Variants in MAPK8 observed in about 807,000 individuals in gnomAD.
The protein encoded by MAPK8 is JUN N-terminal kinase.
In MAPK8, 13 loss-of-function variants were observed where a neutral mutation model predicts 52.9. The ratio of observed to expected loss-of-function variants is 0.25; its 90% CI spans 0.16 to 0.39. The LOEUF is 0.39. Among genes scored for constraint, MAPK8 ranks in the 10% least tolerant of loss-of-function variants. The pLI is 1.00. For synonymous variants in MAPK8, 191 were observed against 169.8 expected, an observed-to-expected ratio of 1.12 and a Z score of -0.97; for missense variants, 300 against 519.2, an observed-to-expected ratio of 0.58 and a Z score of 4.10.
intron 1 of MAPK8, among the ~76,000 whole-genome samples, chr10:48,341,760 CATG>C (rs1845288742): frequency 6.6e-6 from 1 of 152,110 alleles, no homozygotes; most frequent in Non-Finnish European, 1.5e-5. Context: ...AACATGGTGC[CATG>C]AAAGTATATA....
intron 1 of MAPK8, among the ~76,000 whole-genome samples, chr10:48,375,581 T>C (rs1293546000): frequency 6.6e-6 from 1 of 152,200 alleles, no homozygotes; most frequent in Admixed American, 6.5e-5. Flanking sequence ...CAAACATTCC[T>C]ATACATCAAT....
At chr10:48,353,257 G>A (rs188724942) in intron 1 of MAPK8, among the ~76,000 whole-genome samples, 1 of 152,154 alleles carries the variant, frequency 6.6e-6, no homozygotes, top group East Asian at 1.9e-4. Flanking sequence ...TATATGAAAA[G>A]ACAGAAGAAC....
chr10:48,348,260 T>G (rs1845977752), intron 1 of MAPK8, among the ~76,000 whole-genome samples: 1 of 152,260 alleles, frequency 6.6e-6, no homozygotes, highest in African/African-American at 2.4e-5. Context: ...TAAATTTGTT[T>G]AAGTTCTTTG....
At chr10:48,328,857 A>G (rs567510686) in intron 1 of MAPK8, among the ~76,000 whole-genome samples, 2 of 152,322 alleles carry the variant, frequency 1.3e-5, no homozygotes, top group South Asian at 4.1e-4. Context: ...TTGCTAAGAG[A>G]TAGTTGAAAA....
At chr10:48,363,690 T>C (rs1348134286) in intron 1 of MAPK8, among the ~76,000 whole-genome samples, 1 of 152,214 alleles carries the variant, frequency 6.6e-6, no homozygotes, top group Non-Finnish European at 1.5e-5. Context: ...TAAACTTACA[T>C]TTTTCTCCAT....
In MAPK8 at chr10:48,413,201, A is replaced by G. The variant is rs34097810; in HGVS notation, c.450+3033A>G. Reference sequence around the variant, plus strand: ...CTTATCCATTCATCAGTCAGTGGCAATTGGGTTGGTTCCACATTTAGCTCT... The same window carrying G: ...CTTATCCATTCATCAGTCAGTGGCAGTTGGGTTGGTTCCACATTTAGCTCT... On this transcript the variant is annotated intron_variant, in intron 5 of 11. Transcript: ENST00000374189. Among the ~76,000 whole-genome samples the G allele has an allele frequency of 1.3e-3, 191 of 152,300 alleles. 2 individuals are homozygous for G. The East Asian group carries it at 0.032, about 25-fold the overall frequency.
intron 1 of MAPK8, among the ~76,000 whole-genome samples, chr10:48,399,949 C>T (rs17697972): frequency 0.027 from 4,066 of 152,260 alleles, 74 homozygotes; most frequent in Non-Finnish European, 0.04. Flanking sequence ...CCATGTCCCC[C>T]GCTGACCCAG....
chr10:48,327,574 T>A (rs899485764), intron 1 of MAPK8, among the ~76,000 whole-genome samples: 22 of 152,338 alleles, frequency 1.4e-4, no homozygotes, highest in South Asian at 1.2e-3. Flanking sequence ...GTTTTATTAT[T>A]ATTAGAGTAA....
chr10:48,319,515 C>T (rs544416497), intron 1 of MAPK8, among the ~76,000 whole-genome samples: 15 of 152,050 alleles, frequency 9.9e-5, no homozygotes, highest in East Asian at 3.9e-4. Flanking sequence ...TTTGAGATGA[C>T]GTCTTGCTCT....
chr10:48,336,403 G>A (rs1163096682), intron 1 of MAPK8, among the ~76,000 whole-genome samples: 5 of 152,076 alleles, frequency 3.3e-5, no homozygotes, highest in Admixed American at 2.6e-4. Context: ...CAGGCCCTGT[G>A]ATATCATGAG....
At chr10:48,326,670 G>A (rs1448194040) in intron 1 of MAPK8, among the ~76,000 whole-genome samples, 2 of 152,108 alleles carry the variant, frequency 1.3e-5, no homozygotes, top group African/African-American at 4.8e-5. Context: ...TTATATATCA[G>A]TATTTATATG....
intron 6 of MAPK8, among the ~76,000 whole-genome samples, chr10:48,422,695 C>G (rs2043436850): frequency 6.6e-6 from 1 of 152,094 alleles, no homozygotes; most frequent in African/African-American, 2.4e-5. Context: ...TTCTCTGAGG[C>G]ACTAATTTAT....
At chr10:48,416,603 C>T (rs1054432203) in intron 5 of MAPK8, among the ~76,000 whole-genome samples, 15 of 152,326 alleles carry the variant, frequency 9.8e-5, no homozygotes, top group Admixed American at 1.3e-4. Flanking sequence ...ATATGGCCAA[C>T]CCTATAACCA....
chr10:48,339,132 G>A (rs563166923), intron 1 of MAPK8, among the ~76,000 whole-genome samples: 8 of 151,960 alleles, frequency 5.3e-5, no homozygotes, highest in African/African-American at 1.9e-4. Context: ...TAGGTAGAGC[G>A]ATCTAAGCAA....
chr10:48,374,420 A>G (rs1280254733), intron 1 of MAPK8, among the ~76,000 whole-genome samples: 1 of 152,144 alleles, frequency 6.6e-6, no homozygotes, highest in East Asian at 1.9e-4. Context: ...AGATAGAGAC[A>G]TGAAAAACCC....
rs750538635 is a variant in MAPK8 at position 48,425,637 on chromosome 10, G to C, written c.689-251G>C. The C allele has an allele frequency of 2.2e-4, 78 of 359,952 alleles. No homozygotes were observed. The Middle Eastern group carries it at 3.8e-3, about 17-fold the overall frequency. 22.3% of individuals were successfully genotyped at this position (359,952 alleles called of 1,614,324 possible). On this transcript the variant is annotated intron_variant, in intron 7 of 11. Coordinates refer to ENST00000374189, the MANE Select transcript of MAPK8 (RefSeq NM_001323329.2). ...TTATCATTTTATTTAGAATTTGTGA[G>C]TTTAAGCTTCCATTTTAAGGTAAAA...
rs1293062748 is a variant in MAPK8, at chr10:48,438,318, T to C, written c.*3289T>C. The C allele has an allele frequency of 6.6e-6, 1 of 152,222 alleles. No individual in the cohort carries two copies. The highest frequency in any genetic ancestry group is 1.5e-5 in the Non-Finnish European group (1 of 68,048). The allele number at this position is 152,222 out of a possible 1,614,324, so 9.4% of individuals were successfully genotyped here. On this transcript the variant is annotated 3_prime_UTR_variant, in exon 12 of 12. Transcript: ENST00000374189. Reference sequence around the variant, plus strand: ...TTTCTACTGATCTCTCTTAGGTTTTTACGGAATCAAAGGAAACTAATTTTT... The same window carrying C: ...TTTCTACTGATCTCTCTTAGGTTTTCACGGAATCAAAGGAAACTAATTTTT...
intron 1 of MAPK8, among the ~76,000 whole-genome samples, chr10:48,387,731 C>T (rs998292931): frequency 2.0e-5 from 3 of 152,168 alleles, no homozygotes; most frequent in South Asian, 2.1e-4. Flanking sequence ...ACATGTCTCC[C>T]GTCAGATGAG....
intron 1 of MAPK8, among the ~76,000 whole-genome samples, chr10:48,310,695 C>T (rs1410909653): frequency 1.3e-5 from 2 of 151,948 alleles, no homozygotes; most frequent in Non-Finnish European, 2.9e-5. Flanking sequence ...CATCTCTGTG[C>T]AGGCCAAATT....
Sources: allele counts gnomAD v4.1 joint callset (sites outside exome capture counted in the v4.1 genomes callset), GRCh38; gene constraint gnomAD v4.1.1; transcripts MANE v1.5; gene names NCBI Gene and HGNC (gene_info 2026-07-23, HGNC 2026-07-21).